Variants in EVI5 observed in about 807,000 individuals in gnomAD.
EVI5 encodes ecotropic viral integration site 5, also known as ecotropic viral integration site 5 protein homolog.
EVI5 carries 73 observed loss-of-function variants against 112.0 expected under a neutral mutation model. That is an observed-to-expected ratio of 0.65 (90% CI 0.54 to 0.79). The LOEUF is 0.79. EVI5 is among the 30% of genes least tolerant of loss of function. The pLI is 0.00. For synonymous variants in EVI5, 305 were observed against 319.9 expected, an observed-to-expected ratio of 0.95 and a Z score of 0.50; for missense variants, 900 against 968.8, an observed-to-expected ratio of 0.93 and a Z score of 0.94.
chr1:92,613,582 G>A (rs1390429954), intron 16 of EVI5, among the ~76,000 whole-genome samples: 3 of 151,516 alleles, frequency 2.0e-5, no homozygotes, highest in African/African-American at 4.9e-5. Flanking sequence ...GAGCCACCAC[G>A]CCCAGCCATT....
chr1:92,732,237 G>T (rs756820089), intron 2 of EVI5: 2 of 286,570 alleles, frequency 7.0e-6, no homozygotes, highest in African/African-American at 2.3e-5. Flanking sequence ...GCAGTTATAC[G>T]TCCTTACTGT....
intron 18 of EVI5, among the ~76,000 whole-genome samples, chr1:92,597,228 A>C (rs1012086586): frequency 6.6e-6 from 1 of 152,142 alleles, no homozygotes; most frequent in African/African-American, 2.4e-5. Flanking sequence ...TTCATAACTA[A>C]ATTTCTTGAA....
chr1:92,576,456 T>A (rs1298579899), intron 18 of EVI5, among the ~76,000 whole-genome samples: 3 of 152,160 alleles, frequency 2.0e-5, no homozygotes, highest in Non-Finnish European at 2.9e-5. Context: ...TCTCCATATT[T>A]AACATGACTT....
intron 16 of EVI5, among the ~76,000 whole-genome samples, chr1:92,615,121 G>C (rs936924783): frequency 6.6e-6 from 1 of 152,020 alleles, no homozygotes. Context: ...ACTGTTTGTA[G>C]AGAGTTACGC....
At chr1:92,617,371 G>C (rs1426964897) in intron 16 of EVI5, among the ~76,000 whole-genome samples, 2 of 148,560 alleles carry the variant, frequency 1.3e-5, no homozygotes, top group African/African-American at 4.9e-5. Context: ...GAAATTTGGA[G>C]AAGAGGTATG....
intron 9 of EVI5, among the ~76,000 whole-genome samples, chr1:92,688,850 C>A (rs1669005694): frequency 6.6e-6 from 1 of 152,124 alleles, no homozygotes; most frequent in Non-Finnish European, 1.5e-5. Context: ...ACCCTCCAAC[C>A]AACAGGAAGC....
chr1:92,593,793 CA>C (rs1674428978), intron 18 of EVI5, among the ~76,000 whole-genome samples: 1 of 152,074 alleles, frequency 6.6e-6, no homozygotes. Flanking sequence ...AACAGAGAGC[CA>C]AATCATCAGT....
chr1:92,649,393 G>A (rs1661647524), intron 13 of EVI5, among the ~76,000 whole-genome samples: 1 of 152,128 alleles, frequency 6.6e-6, no homozygotes, highest in African/African-American at 2.4e-5. Flanking sequence ...TTTATCTTTT[G>A]TTGCTCATGC....
chr1:92,541,364 A>G (rs899003874), intron 19 of EVI5, among the ~76,000 whole-genome samples: 4 of 152,228 alleles, frequency 2.6e-5, no homozygotes, highest in African/African-American at 9.6e-5. Flanking sequence ...GAAGCTATAA[A>G]TGGCCAATAA....
Position 92,539,498 on chromosome 1 carries a change from A to C in EVI5, c.2166+24144T>G, listed in dbSNP as rs900307339. On this transcript the variant is annotated intron_variant, in intron 19 of 19. Coordinates refer to ENST00000684568, the MANE Select transcript of EVI5 (RefSeq NM_001350197.2). ...GCGGAACTAGTAGTGAGACGAGATC[A>C]TGCCACTGTGCTGCAGCCTGGGCGA... Among the ~76,000 whole-genome samples, 135 of 149,466 alleles carry C rather than the reference A, an allele frequency of 9.0e-4. 5 individuals are homozygous for C. The highest frequency in any genetic ancestry group is 3.0e-4 in the Non-Finnish European group (20 of 67,448).
At chr1:92,739,975 TAAA>T (rs11324383) in intron 1 of EVI5, among the ~76,000 whole-genome samples, 1 of 143,986 alleles carries the variant, frequency 6.9e-6, no homozygotes, top group Non-Finnish European at 1.5e-5. Context: ...AAGTTACCTT[TAAA>T]AAAAAAAAAA....
chr1:92,682,037 C>T (rs910662850), intron 9 of EVI5, among the ~76,000 whole-genome samples: 10 of 152,168 alleles, frequency 6.6e-5, no homozygotes, highest in African/African-American at 2.2e-4. Flanking sequence ...GTCTCAAACT[C>T]CTAGGCTCAA....
intron 19 of EVI5, among the ~76,000 whole-genome samples, chr1:92,542,138 T>A (rs886277176): frequency 6.6e-6 from 1 of 152,260 alleles, no homozygotes; most frequent in African/African-American, 2.4e-5. Flanking sequence ...CTTTCAAAAT[T>A]GGAGTAAATG....
chr1:92,587,871 T>C (rs1320116107), intron 18 of EVI5, among the ~76,000 whole-genome samples: 1 of 152,216 alleles, frequency 6.6e-6, no homozygotes, highest in Non-Finnish European at 1.5e-5. Flanking sequence ...GCTTTTAACA[T>C]AGTTACAAAA....
chr1:92,560,223 A>G (rs1668315029), intron 19 of EVI5, among the ~76,000 whole-genome samples: 3 of 152,258 alleles, frequency 2.0e-5, no homozygotes, highest in Admixed American at 2.0e-4. Context: ...ATGAAAATGA[A>G]CAACCTACAG....
At chr1:92,742,363 A>T (rs1014738922) in intron 1 of EVI5, among the ~76,000 whole-genome samples, 1 of 152,026 alleles carries the variant, frequency 6.6e-6, no homozygotes, top group East Asian at 1.9e-4. Flanking sequence ...CCCAGCTAAC[A>T]TCACCAATCA....
chr1:92,561,490 G>A (rs905473467), intron 19 of EVI5, among the ~76,000 whole-genome samples: 10 of 151,888 alleles, frequency 6.6e-5, no homozygotes, highest in Middle Eastern at 6.8e-3. Context: ...TAGGCCACAC[G>A]TAAAAAACTG....
At position 92,695,376 on chromosome 1, in the gene EVI5, C is replaced by A. The variant is rs770533580; in HGVS notation, c.843G>T (p.Leu281=). ...HTSMYASSWF[L]TIFLTTFPLP... The stretch of plus-strand genomic sequence containing the variant: ...GTGGAAAAGTTGTAAGAAAGATAGT[C>A]AGAAACCAGGATGATGCATACATTG... Residue 281 remains leucine, a synonymous_variant, in exon 7 of 20, where the codon CTG becomes CTT. Coordinates refer to ENST00000684568, the MANE Select transcript of EVI5 (RefSeq NM_001350197.2). 37 of 1,607,564 alleles carry A rather than the reference C, an allele frequency of 2.3e-5. No individual in the cohort carries two copies. The highest frequency in any genetic ancestry group is 1.6e-4 in the Middle Eastern group (1 of 6,070).
At chr1:92,606,923 C>CACACAT (rs752623069) in intron 17 of EVI5, among the ~76,000 whole-genome samples, 1 of 56,874 alleles carries the variant, frequency 1.8e-5, no homozygotes, top group African/African-American at 4.6e-5. Context: ...CACACACACA[C>CACACAT]CCCCCCAAAC....
Sources: gnomAD v4.1 joint callset for allele counts (sites outside exome capture counted in the v4.1 genomes callset) on GRCh38, gnomAD v4.1.1 for gene constraint, MANE v1.5 for transcripts, NCBI Gene and HGNC (gene_info 2026-07-23, HGNC 2026-07-21) for gene names.